Variants in PHAF1 observed in about 807,000 individuals in gnomAD.
PHAF1 encodes phagophore assembly factor 1.
In PHAF1, 23 loss-of-function variants were observed where a neutral mutation model predicts 63.1. The observed-to-expected ratio is 0.36, with a 90% CI of 0.26 to 0.52. The LOEUF is 0.52. Among genes scored for constraint, PHAF1 ranks in the 20% least tolerant of loss-of-function variants. The pLI, the probability that PHAF1 is intolerant of heterozygous loss-of-function variation, is 0.93. For missense variants in PHAF1, 427 were observed against 517.2 expected (o/e 0.83, Z 1.69); for synonymous variants, 167 against 185.0 (o/e 0.90, Z 0.79).
chr16:67,139,962 C>T (rs778124956), intron 8 of PHAF1, 22 bp from the exon 9 acceptor site: 1 of 1,613,928 alleles, frequency 6.2e-7, no homozygotes, highest in Non-Finnish European at 8.5e-7. Flanking sequence ...ACCTGACAAC[C>T]TCTCTGTCTT....
At chr16:67,141,207 G>T (rs1963796644) in intron 10 of PHAF1, among the ~76,000 whole-genome samples, 1 of 152,204 alleles carries the variant, frequency 6.6e-6, no homozygotes, top group African/African-American at 2.4e-5. Flanking sequence ...GAGGTCCTGA[G>T]GTAGCAAACA....
intron 10 of PHAF1, among the ~76,000 whole-genome samples, chr16:67,141,966 C>T (rs530291836): frequency 1.3e-5 from 2 of 152,198 alleles, no homozygotes; most frequent in Admixed American, 6.5e-5. Context: ...TCCCACCATT[C>T]GGTGGGTCCC....
rs146961712 is a variant in PHAF1, at chr16:67,147,084, G to A, written c.1222G>A (p.Gly408Ser). 1.1e-5 allele frequency: 17 copies of A among 1,613,958 alleles called. No individual in the cohort carries two copies. The highest frequency in any genetic ancestry group is 1.3e-5 in the Non-Finnish European group (15 of 1,179,950). The change falls in exon 16 of 16, where the codon GGC (glycine) becomes AGC (serine). Residue 408 changes from glycine to serine, a missense_variant. Gly to Ser is a moderately conservative substitution (Grantham distance 56). Coordinates refer to ENST00000219139, the MANE Select transcript of PHAF1 (RefSeq NM_025187.5). ...NNHIASVTLY[G>S]PPRPGSHLRT... is the part of the protein sequence containing the mutation. ...CCACATTGCCTCGGTGACCCTGTAT[G>A]GCCCCCCCAGGCCTGGTAGCCACCT... is the stretch of plus-strand genomic sequence containing the variant.
At chr16:67,134,008 T>G (rs898276089) in intron 6 of PHAF1, among the ~76,000 whole-genome samples, 160 bp from the exon 7 acceptor site, 1 of 151,804 alleles carries the variant, frequency 6.6e-6, no homozygotes, top group Non-Finnish European at 1.5e-5. Flanking sequence ...TACATGGTTT[T>G]GGGGAGTTTA....
chr16:67,110,354 C>T (rs1962460968), intron 1 of PHAF1, 115 bp downstream of exon 1: 2 of 1,186,350 alleles, frequency 1.7e-6, no homozygotes, highest in Non-Finnish European at 2.4e-6. Flanking sequence ...TCACCTCTTT[C>T]GTCCTCTCGG....
intron 10 of PHAF1, among the ~76,000 whole-genome samples, chr16:67,141,438 C>T (rs1963805961): frequency 6.6e-6 from 1 of 152,230 alleles, no homozygotes. Context: ...CAGCTGGAAA[C>T]TACTTTGGCC....
chr16:67,114,563 GAAAAA>G (rs766952691), intron 1 of PHAF1, among the ~76,000 whole-genome samples: 1 of 105,706 alleles, frequency 9.5e-6, no homozygotes, highest in African/African-American at 3.5e-5. Context: ...AATGAAAGAA[GAAAAA>G]AAAAAAAAAC....
chr16:67,144,796 T>C, intron 11 of PHAF1, 38 bp from the exon 12 acceptor site: 1 of 1,610,354 alleles, frequency 6.2e-7, no homozygotes, highest in East Asian at 2.2e-5. Context: ...CCAGGCCTTC[T>C]AGGAGGCCCA....
At position 67,134,436 on chromosome 16, in the gene PHAF1, T is replaced by G; in HGVS notation, c.630T>G (p.Pro210=). The change falls in exon 8 of 16, where the codon CCT becomes CCG. Residue 210 remains proline (P), a synonymous_variant. Transcript: ENST00000219139. ...ATGTTCTTCGAGATGGAACTGGACC[T>G]GCAGGTTTACGACTTCGCCTACTTG... ...SVDVLRDGTG[P]AGLRLRLLAA... The G allele has an allele frequency of 6.2e-7, 1 of 1,613,704 alleles. No individual in the cohort carries two copies. The highest frequency in any genetic ancestry group is 8.5e-7 in the Non-Finnish European group (1 of 1,179,770).
chr16:67,139,734 G>A (rs1963735651), intron 8 of PHAF1: 1 of 487,604 alleles, frequency 2.1e-6, no homozygotes, highest in Non-Finnish European at 3.6e-6. Flanking sequence ...AGTAGTGAAT[G>A]AATAAGTGAA....
intron 10 of PHAF1, among the ~76,000 whole-genome samples, chr16:67,142,898 G>A (rs1567654630): frequency 6.6e-6 from 1 of 152,228 alleles, no homozygotes; most frequent in Non-Finnish European, 1.5e-5. Context: ...CCTTGCAGCG[G>A]CCACTCCAGA....
At chr16:67,138,051 G>A (rs1240434292) in intron 8 of PHAF1, among the ~76,000 whole-genome samples, 1 of 152,090 alleles carries the variant, frequency 6.6e-6, no homozygotes, top group Non-Finnish European at 1.5e-5. Flanking sequence ...ATACACTTTG[G>A]GGAATCACAA....
At chr16:67,130,322 T>G (rs1449653295) in intron 3 of PHAF1, among the ~76,000 whole-genome samples, 2 of 145,076 alleles carry the variant, frequency 1.4e-5, no homozygotes, top group East Asian at 4.1e-4. Context: ...GCTGGGATTA[T>G]AGGCGTGAGC....
intron 10 of PHAF1, among the ~76,000 whole-genome samples, chr16:67,141,348 GA>G: frequency 6.6e-6 from 1 of 152,322 alleles, no homozygotes; most frequent in East Asian, 1.9e-4. Flanking sequence ...CGGCAGGAGG[GA>G]ACAGTGCTGT....
chr16:67,134,425 G>T lies in PHAF1; in HGVS notation c.619G>T (p.Gly207Ter). 6.2e-7 allele frequency: 1 copy of T among 1,613,922 alleles called. No individual in the cohort carries two copies. The highest frequency in any genetic ancestry group is 8.5e-7 in the Non-Finnish European group (1 of 1,179,942). The change falls in exon 8 of 16, where the codon GGA becomes TGA. Residue 207 changes from glycine (G) to a stop codon, truncating the protein, a stop_gained. Transcript: ENST00000219139. LOFTEE classifies it high-confidence loss of function. Reference protein sequence around the residue: ...YAESVDVLRDGTGPAGLRLRL... With the variant: ...YAESVDVLRD ...TGAGAGTGTAGATGTTCTTCGAGAT[G>T]GAACTGGACCTGCAGGTTTACGACT...
intron 1 of PHAF1, among the ~76,000 whole-genome samples, chr16:67,110,576 GTACTGT>G (rs1962472994): frequency 1.3e-5 from 2 of 152,170 alleles, no homozygotes; most frequent in South Asian, 4.1e-4. Context: ...CTGAGGATAG[GTACTGT>G]TGTTATTCCC....
rs1357011879 is a variant in PHAF1 at position 67,132,537 on chromosome 16, C to A, written c.355+12C>A. Reference sequence around the variant, plus strand: ...AACCCATCCTGGAGGTAAGCCAAGTCCATCTGATTCCTCTGGTCATCAGTG... The same window carrying A: ...AACCCATCCTGGAGGTAAGCCAAGTACATCTGATTCCTCTGGTCATCAGTG... On this transcript the variant is annotated intron_variant, in intron 5 of 15. Coordinates refer to ENST00000219139, the MANE Select transcript of PHAF1 (RefSeq NM_025187.5). 1.9e-6 allele frequency: 3 copies of A among 1,610,566 alleles called. No homozygotes were observed. Among genetic ancestry groups the A allele is most frequent in the Non-Finnish European group, 1.7e-6 (2 of 1,176,778 alleles).
chr16:67,121,284 G>T (rs1490120248), intron 2 of PHAF1, among the ~76,000 whole-genome samples: 3 of 151,638 alleles, frequency 2.0e-5, no homozygotes, highest in Non-Finnish European at 4.4e-5. Flanking sequence ...CCGCCTCCTG[G>T]GTTCACCCGC....
intron 6 of PHAF1, among the ~76,000 whole-genome samples, chr16:67,133,324 T>C (rs1963476573): frequency 6.6e-6 from 1 of 152,106 alleles, no homozygotes; most frequent in Non-Finnish European, 1.5e-5. Flanking sequence ...AGACTTATTT[T>C]AATTAAGGAA....
Sources: allele counts gnomAD v4.1 joint callset (sites outside exome capture counted in the v4.1 genomes callset), GRCh38; gene constraint gnomAD v4.1.1; transcripts MANE v1.5; gene names NCBI Gene and HGNC (gene_info 2026-07-23, HGNC 2026-07-21).